Variants in ZNF14 observed in about 807,000 individuals in gnomAD.
ZNF14 encodes the protein gonadotropin inducible transcription repressor-4.
A neutral mutation model predicts 11.3 loss-of-function variants in ZNF14; 9 were observed. The observed-to-expected ratio is 0.80, with a 90% CI of 0.48 to 1.39. The LOEUF (loss-of-function observed/expected upper bound fraction) is 1.39. ZNF14 is among the 40% of genes most tolerant of loss of function. The probability of loss-of-function intolerance (pLI) is 0.00; values close to 1 mark genes in which losing one functional copy is unlikely to be tolerated. For synonymous variants in ZNF14, 239 were observed against 245.7 expected (o/e 0.97, Z 0.25); for missense variants, 711 against 763.9 (o/e 0.93, Z 0.82).
In ZNF14 at chr19:19,732,996, G is replaced by A; in HGVS notation, c.-38C>T. The A allele has an allele frequency of 6.2e-7, 1 of 1,612,262 alleles. No homozygotes were observed. The highest frequency in any genetic ancestry group is 1.1e-5 in the South Asian group (1 of 90,804). On this transcript the variant is annotated 5_prime_UTR_variant, in exon 1 of 4. Transcript: ENST00000344099. ...GGGAAGTCACGGTGTCCTCCCTACG[G>A]ATCTGTCAGTACCTGCAGGTCACGG... is the stretch of plus-strand genomic sequence containing the variant.
At position 19,732,987 on chromosome 19, in the gene ZNF14, C is replaced by T; in HGVS notation, c.-29G>A. 1 of 1,612,980 alleles carries T rather than the reference C, an allele frequency of 6.2e-7. No individual in the cohort carries two copies. The highest frequency in any genetic ancestry group is 1.3e-5 in the African/African-American group (1 of 75,050). On this transcript the variant is annotated 5_prime_UTR_variant, in exon 1 of 4. Coordinates refer to ENST00000344099, the MANE Select transcript of ZNF14 (RefSeq NM_021030.3). ...CCAGCGTCCGGGAAGTCACGGTGTC[C>T]TCCCTACGGATCTGTCAGTACCTGC... is the stretch of plus-strand genomic sequence containing the variant.
chr19:19,732,901 C>T (rs768003468), intron 1 of ZNF14, 55 bp downstream of exon 1: 1 of 1,609,780 alleles, frequency 6.2e-7, no homozygotes, highest in Admixed American at 1.7e-5. Flanking sequence ...CCGGCCTCGG[C>T]CACAGACGGT....
At position 19,711,318 on chromosome 19, in the gene ZNF14, A is replaced by G; in HGVS notation, c.*34T>C. ...CTTTTGTGTATTCAGAAGGAGCTGGAACAACCGAAGGCTTCAGAATGTTGC... is the reference window on the plus strand; with the variant it reads ...CTTTTGTGTATTCAGAAGGAGCTGGGACAACCGAAGGCTTCAGAATGTTGC... On this transcript the variant is annotated 3_prime_UTR_variant, in exon 4 of 4. Transcript: ENST00000344099. 1 of 1,523,654 alleles carries G rather than the reference A, an allele frequency of 6.6e-7. No individual in the cohort carries two copies. Among genetic ancestry groups the G allele is most frequent in the Non-Finnish European group, 8.8e-7 (1 of 1,140,388 alleles). 94.4% of individuals were successfully genotyped at this position (1,523,654 alleles called of 1,614,324 possible).
intron 1 of ZNF14, 24 bp downstream of exon 1, chr19:19,732,932 C>T (rs1267575576): frequency 1.2e-6 from 2 of 1,613,208 alleles, no homozygotes; most frequent in African/African-American, 1.3e-5. Flanking sequence ...AACCTCCCCT[C>T]GGACACTGGC....
chr19:19,730,056 CAG>C (rs1414940827), intron 1 of ZNF14, among the ~76,000 whole-genome samples: 3 of 152,032 alleles, frequency 2.0e-5, no homozygotes, highest in African/African-American at 4.8e-5. Flanking sequence ...TTTTTTGAGA[CAG>C]AGTCTCAAGG....
intron 1 of ZNF14, among the ~76,000 whole-genome samples, chr19:19,726,678 C>T (rs2062407279): frequency 7.5e-6 from 1 of 133,854 alleles, no homozygotes; most frequent in African/African-American, 2.8e-5. Flanking sequence ...TGCCCTGCCC[C>T]CAGAGGTGGA....
chr19:19,713,967 T>C, intron 3 of ZNF14, 124 bp downstream of exon 3: 2 of 900,398 alleles, frequency 2.2e-6, no homozygotes, highest in Non-Finnish European at 3.4e-6. Flanking sequence ...ATGATGTTTT[T>C]AAGAAAACAT....
chr19:19,711,252 A>AACAATGTTTGTTCTAAAT lies in ZNF14; in HGVS notation c.*99_*100insATTTAGAACAAACATTGT. Reference sequence around the variant, plus strand: ...AAACTGGAACAATTAAGGGCTTTAGAACAATGTTTGTATTCACACAGCTTC... The same window carrying AACAATGTTTGTTCTAAAT: ...AAACTGGAACAATTAAGGGCTTTAGAACAATGTTTGTTCTAAATACAATGTTTGTATTCACACAGCTTC... On this transcript the variant is annotated 3_prime_UTR_variant, in exon 4 of 4. Transcript: ENST00000344099. The AACAATGTTTGTTCTAAAT allele has an allele frequency of 7.4e-7, 1 of 1,354,502 alleles. No homozygotes were observed. The highest frequency in any genetic ancestry group is 1.0e-6 in the Non-Finnish European group (1 of 1,003,912). 83.9% of individuals were successfully genotyped at this position (1,354,502 alleles called of 1,614,324 possible). A position where few individuals can be genotyped will look rare whatever the true frequency, so the allele number is the denominator to read the frequency against.
rs574111712 is a variant in ZNF14, at chr19:19,728,502, C to T, written c.3+4454G>A. 3.8e-3 allele frequency among the ~76,000 whole-genome samples: 218 copies of T among 57,486 alleles called. 27 individuals carry two copies. The highest frequency in any genetic ancestry group is 4.8e-3 in the Non-Finnish European group (154 of 31,832). 37.7% of individuals were successfully genotyped at this position (57,486 alleles called of 152,430 possible). A position where few individuals can be genotyped will look rare whatever the true frequency, so the allele number is the denominator to read the frequency against. On this transcript the variant is annotated intron_variant, in intron 1 of 3. Transcript: ENST00000344099. ...CTGCACTCCAGACTGTGCGAAAGTGCGAAACTCCGTCTCAAAAAAAAAAAA... is the reference window on the plus strand; with the variant it reads ...CTGCACTCCAGACTGTGCGAAAGTGTGAAACTCCGTCTCAAAAAAAAAAAA...
intron 1 of ZNF14, among the ~76,000 whole-genome samples, chr19:19,724,332 G>A (rs1024831271): frequency 7.5e-6 from 1 of 133,764 alleles, no homozygotes; most frequent in Non-Finnish European, 1.7e-5. Context: ...CCTTCATTTC[G>A]TTATGCACCC....
At chr19:19,722,424 T>C (rs773196203) in intron 1 of ZNF14, among the ~76,000 whole-genome samples, 3 of 152,248 alleles carry the variant, frequency 2.0e-5, no homozygotes, top group Non-Finnish European at 4.4e-5. Context: ...TCTGTTCCAC[T>C]GGTCTGTATC....
intron 1 of ZNF14, among the ~76,000 whole-genome samples, chr19:19,732,168 C>T (rs1722010922): frequency 6.6e-6 from 1 of 152,212 alleles, no homozygotes; most frequent in Admixed American, 6.5e-5. Flanking sequence ...TGGGTAGAAA[C>T]CACACAGATA....
Position 19,714,131 on chromosome 19 carries a change from C to T in ZNF14, c.151G>A (p.Asp51Asn). The stretch of plus-strand genomic sequence containing the variant: ...TGGTTTCTGTGGTCATCTTCAATGT[C>T]CTGGTCTTCCCACTTTTTTCCTAAA... Reference protein sequence around the residue: ...VCLGKKWEDQDIEDDHRNQGK... With the variant: ...VCLGKKWEDQNIEDDHRNQGK... Residue 51 changes from aspartate (D) to asparagine (N), a missense_variant, in exon 3 of 4, where the codon GAC becomes AAC. Physicochemically the swap from Asp to Asn is conservative, Grantham distance 23. Transcript: ENST00000344099. 6 of 1,613,170 alleles carry T rather than the reference C, an allele frequency of 3.7e-6. No homozygotes were observed. Among genetic ancestry groups the T allele is most frequent in the Non-Finnish European group, 4.2e-6 (5 of 1,179,690 alleles).
intron 1 of ZNF14, among the ~76,000 whole-genome samples, chr19:19,730,152 T>G (rs2145107256): frequency 6.6e-6 from 1 of 152,198 alleles, no homozygotes; most frequent in East Asian, 1.9e-4. Flanking sequence ...ACCTCCTGAG[T>G]AGCTGAGATT....
chr19:19,728,884 A>G (rs2062414382), intron 1 of ZNF14, among the ~76,000 whole-genome samples: 1 of 152,046 alleles, frequency 6.6e-6, no homozygotes, highest in Non-Finnish European at 1.5e-5. Context: ...AATTATGCCA[A>G]AAGTCAAACT....
chr19:19,713,837 C>G (rs112956930), intron 3 of ZNF14, among the ~76,000 whole-genome samples: 3,696 of 150,864 alleles, frequency 0.024, 65 homozygotes, highest in Middle Eastern at 0.068. Flanking sequence ...CCTACCTCAG[C>G]CTCCCAAACT....
At position 19,711,452 on chromosome 19, in the gene ZNF14, G is replaced by A; in HGVS notation, c.1829C>T (p.Thr610Ile). The A allele has an allele frequency of 6.2e-7, 1 of 1,613,796 alleles. No homozygotes were observed. Among genetic ancestry groups the A allele is most frequent in the Non-Finnish European group, 8.5e-7 (1 of 1,179,884 alleles). ...SSVRIHERSH[T>I]GEKPYECKQC... ...TTTGCATTCATAAGGTTTCTCTCCA[G>A]TGTGAGACCTTTCATGAATTCGAAC... The change falls in exon 4 of 4, where the codon ACT becomes ATT. Residue 610 changes from threonine to isoleucine, a missense_variant. Transcript: ENST00000344099.
At chr19:19,725,384 T>C (rs1174505882) in intron 1 of ZNF14, among the ~76,000 whole-genome samples, 1 of 134,024 alleles carries the variant, frequency 7.5e-6, no homozygotes, top group Non-Finnish European at 1.7e-5. Flanking sequence ...AATTCTTTTC[T>C]TTAAGAATGT....
chr19:19,726,150 G>A lies in ZNF14; in HGVS notation c.3+6806C>T. The stretch of plus-strand genomic sequence containing the variant: ...TGGCAAAGAGCTGCATTCCTTTGGA[G>A]GAGAAGAGGTGCTCTGATTTTTAGA... On this transcript the variant is annotated intron_variant, in intron 1 of 3. Coordinates refer to ENST00000344099, the MANE Select transcript of ZNF14 (RefSeq NM_021030.3). Among the ~76,000 whole-genome samples, 2 of 134,726 alleles carry A rather than the reference G, an allele frequency of 1.5e-5. 1 individual carries two copies. Among genetic ancestry groups the A allele is most frequent in the Non-Finnish European group, 3.3e-5 (2 of 60,440 alleles). 88.4% of individuals were successfully genotyped at this position (134,726 alleles called of 152,430 possible). A position where few individuals can be genotyped will look rare whatever the true frequency, so the allele number is the denominator to read the frequency against.
Sources: gnomAD v4.1 joint callset for allele counts (sites outside exome capture counted in the v4.1 genomes callset) on GRCh38, gnomAD v4.1.1 for gene constraint, MANE v1.5 for transcripts, NCBI Gene and HGNC (gene_info 2026-07-23, HGNC 2026-07-21) for gene names.